CDH12: variants seen among roughly 807,000 people sequenced by gnomAD.
The protein encoded by CDH12 is cadherin 12.
Under a neutral mutation model 74.1 loss-of-function variants are expected in CDH12, and 41 were observed. The observed-to-expected ratio is 0.55, with a 90% CI of 0.43 to 0.72. The LOEUF (loss-of-function observed/expected upper bound fraction) is 0.72. CDH12 is among the 30% of genes least tolerant of loss of function. CDH12 has a pLI of 0.00. For synonymous variants in CDH12, 399 were observed against 355.0 expected, an observed-to-expected ratio of 1.12 and a Z score of -1.39; for missense variants, 945 against 977.2, an observed-to-expected ratio of 0.97 and a Z score of 0.44.
intron 5 of CDH12, among the ~76,000 whole-genome samples, chr5:22,045,274 A>C (rs999188403): frequency 6.6e-6 from 1 of 152,212 alleles, no homozygotes; most frequent in Non-Finnish European, 1.5e-5. Context: ...GGCTATTATC[A>C]AAAAGACAAT....
intron 3 of CDH12, among the ~76,000 whole-genome samples, chr5:22,315,118 G>GTTTTTTTTTTTTTT (rs1344184080): frequency 8.5e-4 from 8 of 9,392 alleles, no homozygotes; most frequent in South Asian, 4.0e-3. Context: ...TGCCTGCCTG[G>GTTTTTTTTTTTTTT]CTTTTTTTTT....
At chr5:22,609,175 C>G (rs1580813110) in intron 1 of CDH12, among the ~76,000 whole-genome samples, 1 of 152,094 alleles carries the variant, frequency 6.6e-6, no homozygotes, top group East Asian at 1.9e-4. Flanking sequence ...TTATAATGGT[C>G]TTTAGAGTCT....
intron 4 of CDH12, among the ~76,000 whole-genome samples, chr5:22,165,814 G>C (rs181275703): frequency 1.2e-3 from 187 of 152,272 alleles, no homozygotes; most frequent in African/African-American, 4.3e-3. Flanking sequence ...AGTGACCTCT[G>C]GTTGTCCTCA....
chr5:22,846,341 G>A (rs920033721), intron 1 of CDH12, among the ~76,000 whole-genome samples: 1 of 152,062 alleles, frequency 6.6e-6, no homozygotes, highest in Non-Finnish European at 1.5e-5. Flanking sequence ...GCATAGATTT[G>A]GAAAAAGCAT....
intron 2 of CDH12, among the ~76,000 whole-genome samples, chr5:22,487,913 G>T (rs1486906290): frequency 6.6e-6 from 1 of 152,164 alleles, no homozygotes; most frequent in Non-Finnish European, 1.5e-5. Context: ...GACTAGTTAT[G>T]TAAATCCATC....
intron 1 of CDH12, among the ~76,000 whole-genome samples, chr5:22,795,494 T>C (rs1055141019): frequency 1.3e-5 from 2 of 151,914 alleles, no homozygotes; most frequent in Non-Finnish European, 2.9e-5. Flanking sequence ...AGATTCCTAA[T>C]ATATCTCATG....
chr5:22,368,227 G>A (rs1419844682), intron 3 of CDH12, among the ~76,000 whole-genome samples: 1 of 151,848 alleles, frequency 6.6e-6, no homozygotes, highest in Non-Finnish European at 1.5e-5. Flanking sequence ...AATTTGCAGA[G>A]CTGAAGTTCT....
Position 21,979,065 on chromosome 5 carries a change from CAT to C in CDH12, c.232-3682_232-3681del, listed in dbSNP as rs1250139042. ...GTCATGTTCACTGTAAAAAAAATCA[CAT>C]GATGCCATTTTTACACAGCCTTTTT... On this transcript the variant is annotated intron_variant, in intron 5 of 14. Coordinates refer to ENST00000382254, the MANE Select transcript of CDH12 (RefSeq NM_004061.5). 1.3e-4 allele frequency among the ~76,000 whole-genome samples: 20 copies of C among 152,264 alleles called. No individual in the cohort carries two copies. In the East Asian group the frequency reaches 3.5e-3, roughly 26 times the overall value.
At chr5:21,773,412 G>T (rs191451212) in intron 11 of CDH12, among the ~76,000 whole-genome samples, 1 of 152,112 alleles carries the variant, frequency 6.6e-6, no homozygotes, top group African/African-American at 2.4e-5. Flanking sequence ...AGAAGAACGC[G>T]GAAGGACTGG....
chr5:22,064,290 C>A (rs1299315227), intron 5 of CDH12, among the ~76,000 whole-genome samples: 1 of 152,130 alleles, frequency 6.6e-6, no homozygotes, highest in Non-Finnish European at 1.5e-5. Context: ...ATACTAGAAC[C>A]AATTCCCTGT....
At chr5:22,638,537 A>T (rs1481876066) in intron 1 of CDH12, among the ~76,000 whole-genome samples, 2 of 152,120 alleles carry the variant, frequency 1.3e-5, no homozygotes, top group East Asian at 3.9e-4. Flanking sequence ...ACCCAGATTG[A>T]GGGTGGGTCT....
intron 5 of CDH12, among the ~76,000 whole-genome samples, chr5:22,068,920 T>TC (rs1185586401): frequency 6.6e-6 from 1 of 152,138 alleles, no homozygotes; most frequent in Admixed American, 6.5e-5. Flanking sequence ...ACCTAACATT[T>TC]CAGCAGTAGA....
chr5:22,009,960 GAAAA>G (rs1361403982), intron 5 of CDH12, among the ~76,000 whole-genome samples: 1 of 124,232 alleles, frequency 8.0e-6, no homozygotes, highest in Non-Finnish European at 1.6e-5. Flanking sequence ...AAAAAAAAAA[GAAAA>G]AAAGAAAGAA....
chr5:22,282,660 T>C (rs1736940905), intron 3 of CDH12, among the ~76,000 whole-genome samples: 1 of 152,130 alleles, frequency 6.6e-6, no homozygotes, highest in South Asian at 2.1e-4. Flanking sequence ...TCACTGATCA[T>C]TAGAGAAATT....
At chr5:22,607,600 A>G (rs1197186787) in intron 1 of CDH12, among the ~76,000 whole-genome samples, 1 of 152,210 alleles carries the variant, frequency 6.6e-6, no homozygotes, top group Non-Finnish European at 1.5e-5. Flanking sequence ...TCCCTCCCAC[A>G]ACACGTGGGC....
intron 1 of CDH12, among the ~76,000 whole-genome samples, chr5:22,601,276 C>T (rs1380153621): frequency 2.0e-5 from 3 of 151,826 alleles, no homozygotes; most frequent in South Asian, 4.1e-4. Flanking sequence ...ATTTTGTCAC[C>T]GGGTATTAAG....
intron 1 of CDH12, among the ~76,000 whole-genome samples, chr5:22,703,719 C>G (rs536216027): frequency 3.0e-4 from 45 of 152,014 alleles, no homozygotes; most frequent in African/African-American, 1.0e-3. Context: ...ATTGATGTGT[C>G]AAAATGAGTA....
At chr5:22,667,625 A>T (rs1380206413) in intron 1 of CDH12, among the ~76,000 whole-genome samples, 1 of 152,208 alleles carries the variant, frequency 6.6e-6, no homozygotes, top group Non-Finnish European at 1.5e-5. Flanking sequence ...GATACTAAAC[A>T]ATTAGGTGGT....
At chr5:22,523,153 C>T (rs1342604340) in intron 1 of CDH12, among the ~76,000 whole-genome samples, 1 of 152,142 alleles carries the variant, frequency 6.6e-6, no homozygotes, top group African/African-American at 2.4e-5. Context: ...TCTTTCTTAG[C>T]TTTTCTTTAT....
Sources: allele counts gnomAD v4.1 joint callset (sites outside exome capture counted in the v4.1 genomes callset), GRCh38; gene constraint gnomAD v4.1.1; transcripts MANE v1.5; gene names NCBI Gene and HGNC (gene_info 2026-07-23, HGNC 2026-07-21).